The following CCDC30 variants were observed in gnomAD, a reference collection of about 807,000 sequenced individuals.
CCDC30 encodes the protein coiled-coil domain-containing protein 30.
In CCDC30, 70 loss-of-function variants were observed where a neutral mutation model predicts 100.2. That is an observed-to-expected ratio of 0.70 (90% CI 0.58 to 0.85). The LOEUF (loss-of-function observed/expected upper bound fraction) is 0.85, where lower values mean the gene tolerates loss of function less well. Among genes scored for constraint, CCDC30 ranks in the 40% least tolerant of loss-of-function variants. CCDC30 has a pLI of 0.00. For missense variants in CCDC30, 652 were observed against 771.2 expected (o/e 0.85, Z 1.83); for synonymous variants, 233 against 269.5 (o/e 0.86, Z 1.33).
At chr1:42,572,866 A>C (rs563908848) in intron 7 of CCDC30, among the ~76,000 whole-genome samples, 3 of 152,168 alleles carry the variant, frequency 2.0e-5, no homozygotes, top group South Asian at 4.1e-4. Flanking sequence ...TGATCTGCCC[A>C]CCTCAGCCTC....
intron 11 of CCDC30, among the ~76,000 whole-genome samples, chr1:42,636,210 G>A (rs914651937): frequency 1.3e-5 from 2 of 152,032 alleles, no homozygotes; most frequent in East Asian, 1.9e-4. Flanking sequence ...GTTTGAGGCA[G>A]AGTTTAAGAC....
At chr1:42,482,559 AT>A (rs1643979130) in intron 2 of CCDC30, 103 bp from the exon 3 acceptor site, 1 of 596,990 alleles carries the variant, frequency 1.7e-6, no homozygotes, top group Non-Finnish European at 2.4e-6. Context: ...ACACATAGAT[AT>A]TGTTTGCTAA....
chr1:42,459,155 CTTT>C (rs11316113), upstream of CCDC30: 9 of 92,732 alleles, frequency 9.7e-5, no homozygotes, highest in East Asian at 3.3e-4. Context: ...AGAGCCAAGG[CTTT>C]TTTTTTTTTT....
At chr1:42,536,493 A>G (rs1438215495) in intron 6 of CCDC30, 1 of 1,607,782 alleles carries the variant, frequency 6.2e-7, no homozygotes, top group Admixed American at 1.7e-5. Context: ...AAATGAGCCA[A>G]GAAAAAAATG....
chr1:42,645,669 C>T lies in CCDC30; in HGVS notation c.1672-466C>T, dbSNP rs573854287. ...TTTCCAAGCTATATGAGTGGGTTTT[C>T]GTTTTTTTTTCTGATTTTGTCAAAA... On this transcript the variant is annotated intron_variant, in intron 14 of 16. Coordinates refer to ENST00000668663, the Ensembl canonical transcript of CCDC30. 5.3e-5 allele frequency among the ~76,000 whole-genome samples: 8 copies of T among 151,986 alleles called. No individual in the cohort carries two copies. The East Asian group carries it at 1.2e-3, about 22-fold the overall frequency.
chr1:42,653,394 A>G (rs140951945), exon 16 of CCDC30: 12 of 1,605,392 alleles, frequency 7.5e-6, no homozygotes, highest in South Asian at 4.4e-5. Context: ...AATTAGTGAC[A>G]TCCTTGAATC....
chr1:42,594,047 A>G (rs1646238571), intron 10 of CCDC30: 1 of 152,222 alleles, frequency 6.6e-6, no homozygotes, highest in Admixed American at 6.5e-5. Flanking sequence ...CAAGAAGAAT[A>G]TCATGCTTCC....
chr1:42,471,892 T>C (rs1056230673), intron 1 of CCDC30, among the ~76,000 whole-genome samples: 8 of 151,854 alleles, frequency 5.3e-5, no homozygotes, highest in African/African-American at 1.9e-4. Context: ...GGTTTTGCTT[T>C]TAAAAAGCAA....
At chr1:42,646,580 G>T (rs1647899643) in intron 15 of CCDC30, among the ~76,000 whole-genome samples, 1 of 152,178 alleles carries the variant, frequency 6.6e-6, no homozygotes, top group Admixed American at 6.5e-5. Flanking sequence ...AACAGAAGAG[G>T]TGGGACTCTG....
At chr1:42,502,259 G>GTGGGACCCTCCGAGCCATA (rs1557809707) in intron 6 of CCDC30, among the ~76,000 whole-genome samples, 218 of 152,142 alleles carry the variant, frequency 1.4e-3, no homozygotes, top group African/African-American at 5.2e-3. Flanking sequence ...TCCGAGCCGG[G>GTGGGACCCTCCGAGCCATA]CGTGGGACCC....
Position 42,597,890 on chromosome 1 carries a change from G to A in CCDC30, c.1164+8407G>A, listed in dbSNP as rs145486937. Among the ~76,000 whole-genome samples, 785 of 151,846 alleles carry A rather than the reference G, an allele frequency of 5.2e-3. 7 individuals carry two copies. The highest frequency in any genetic ancestry group is 0.018 in the African/African-American group (759 of 41,386). ...AAAAAAAAAATCGCCAGGCACAGTGGCTCACACCTGTAATCCCAGCACTTT... is the reference window on the plus strand; with the variant it reads ...AAAAAAAAAATCGCCAGGCACAGTGACTCACACCTGTAATCCCAGCACTTT... On this transcript the variant is annotated intron_variant, in intron 10 of 16. Transcript: ENST00000668663.
intron 1 of CCDC30, chr1:42,473,319 A>G: frequency 8.3e-7 from 1 of 1,204,304 alleles, no homozygotes; most frequent in African/African-American, 1.6e-5. Context: ...AACTAATAGC[A>G]TAGAATTTTA....
At chr1:42,517,187 A>G (rs1569882203) in intron 6 of CCDC30, among the ~76,000 whole-genome samples, 1 of 152,234 alleles carries the variant, frequency 6.6e-6, no homozygotes, top group East Asian at 1.9e-4. Flanking sequence ...GTGCTCAAGG[A>G]ATCCTCCTGC....
At chr1:42,533,114 G>A (rs538114287) in intron 6 of CCDC30, among the ~76,000 whole-genome samples, 9 of 152,330 alleles carry the variant, frequency 5.9e-5, no homozygotes, top group African/African-American at 2.2e-4. Flanking sequence ...ACTGGGTGGG[G>A]TTGGACTGTA....
chr1:42,511,736 A>T (rs12133694), intron 6 of CCDC30, among the ~76,000 whole-genome samples: 33,981 of 151,846 alleles, frequency 0.22, 4,890 homozygotes, highest in Non-Finnish European at 0.31. Context: ...TGGCAAAGGG[A>T]CGACATTGTG....
chr1:42,484,978 A>G (rs1265792239), intron 3 of CCDC30, among the ~76,000 whole-genome samples: 2 of 152,172 alleles, frequency 1.3e-5, no homozygotes, highest in African/African-American at 4.8e-5. Context: ...TAACATTAAT[A>G]AAACAATTTG....
At chr1:42,490,314 C>A in intron 4 of CCDC30, 85 bp downstream of exon 4, 2 of 576,302 alleles carry the variant, frequency 3.5e-6, no homozygotes, top group Non-Finnish European at 5.1e-6. Context: ...ACTTGGGAGG[C>A]TTGGGCCCAG....
chr1:42,643,121 A>G (rs1647596978), intron 13 of CCDC30, among the ~76,000 whole-genome samples: 1 of 152,246 alleles, frequency 6.6e-6, no homozygotes, highest in Non-Finnish European at 1.5e-5. Context: ...ATGTTAACAA[A>G]TAATGTCACC....
chr1:42,458,726 C>T (rs1325780902), upstream of CCDC30, among the ~76,000 whole-genome samples: 1 of 152,120 alleles, frequency 6.6e-6, no homozygotes, highest in Non-Finnish European at 1.5e-5. Context: ...TAGTTTATCC[C>T]ACAGTTTTTA....
Sources: allele counts gnomAD v4.1 joint callset (sites outside exome capture counted in the v4.1 genomes callset), GRCh38; gene constraint gnomAD v4.1.1; transcripts MANE v1.5; gene names NCBI Gene and HGNC (gene_info 2026-07-23, HGNC 2026-07-21).